Variants in SCD5 observed in about 807,000 individuals in gnomAD.
SCD5 encodes the protein stearoyl-CoA desaturase 5.
A neutral mutation model predicts 30.4 loss-of-function variants in SCD5; 20 were observed. That is an observed-to-expected ratio of 0.66 (90% CI 0.46 to 0.96). The LOEUF (loss-of-function observed/expected upper bound fraction) is 0.96, where lower values mean the gene tolerates loss of function less well. Among genes scored for constraint, SCD5 ranks in the 40% least tolerant of loss-of-function variants. The pLI is 0.00. For missense variants in SCD5, 381 were observed against 443.3 expected (o/e 0.86, Z 1.26); for synonymous variants, 173 against 176.4 (o/e 0.98, Z 0.16).
intron 1 of SCD5, among the ~76,000 whole-genome samples, chr4:82,736,332 G>A (rs1296486508): frequency 1.3e-5 from 2 of 151,856 alleles, no homozygotes; most frequent in Admixed American, 6.6e-5. Context: ...TTCTCAGCCA[G>A]GCGCAGTGGC....
At chr4:82,729,930 C>T (rs2148835089) in intron 1 of SCD5, among the ~76,000 whole-genome samples, 1 of 152,270 alleles carries the variant, frequency 6.6e-6, no homozygotes, top group South Asian at 2.1e-4. Context: ...TTTACCTTCC[C>T]ACAACTTGCT....
chr4:82,743,845 T>G (rs1180521286), intron 1 of SCD5, among the ~76,000 whole-genome samples: 3 of 152,068 alleles, frequency 2.0e-5, no homozygotes, highest in Non-Finnish European at 4.4e-5. Flanking sequence ...TTGTTGTCAC[T>G]GTTGAGACAA....
chr4:82,727,272 G>A (rs965590666), intron 1 of SCD5, among the ~76,000 whole-genome samples: 1 of 152,208 alleles, frequency 6.6e-6, no homozygotes, highest in Non-Finnish European at 1.5e-5. Flanking sequence ...ATTGTCTCTG[G>A]AAAAGGTCAC....
intron 2 of SCD5, among the ~76,000 whole-genome samples, chr4:82,681,248 G>C (rs983810796): frequency 6.6e-6 from 1 of 152,040 alleles, no homozygotes; most frequent in Non-Finnish European, 1.5e-5. Flanking sequence ...TTTATGTCAA[G>C]AAAAAAGAGA....
intron 1 of SCD5, among the ~76,000 whole-genome samples, chr4:82,745,511 T>C (rs1290666272): frequency 1.3e-5 from 2 of 152,234 alleles, no homozygotes. Context: ...TTGTTTGTTT[T>C]TTCCCGACTT....
intron 1 of SCD5, among the ~76,000 whole-genome samples, chr4:82,783,580 G>A (rs375520637): frequency 1.1e-4 from 16 of 152,144 alleles, no homozygotes; most frequent in East Asian, 9.7e-4. Context: ...CGAGGTGGGC[G>A]GATCACCTGA....
intron 1 of SCD5, among the ~76,000 whole-genome samples, chr4:82,795,259 G>C (rs1194412175): frequency 6.6e-6 from 1 of 152,172 alleles, no homozygotes; most frequent in African/African-American, 2.4e-5. Context: ...GCAAGCAATG[G>C]ACAGGCTAAG....
intron 3 of SCD5, among the ~76,000 whole-genome samples, chr4:82,664,999 C>CTCTCTCTCTCTCTATATATATA (rs1219554314): frequency 4.3e-5 from 3 of 70,492 alleles, no homozygotes; most frequent in African/African-American, 7.5e-5. Flanking sequence ...CTCTCTCTCT[C>CTCTCTCTCTCTCTATATATATA]TATATATATA....
intron 1 of SCD5, among the ~76,000 whole-genome samples, chr4:82,785,984 TAAAC>T (rs1333496585): frequency 6.6e-6 from 1 of 152,242 alleles, no homozygotes; most frequent in Non-Finnish European, 1.5e-5. Context: ...GGTGGGTTGA[TAAAC>T]TATTCCACGG....
intron 1 of SCD5, among the ~76,000 whole-genome samples, chr4:82,755,551 T>A (rs1721217019): frequency 6.6e-6 from 1 of 151,956 alleles, no homozygotes; most frequent in Non-Finnish European, 1.5e-5. Flanking sequence ...GGAGAGGGAA[T>A]GTTAAATTTG....
chr4:82,795,352 C>T (rs1285870029), intron 1 of SCD5, among the ~76,000 whole-genome samples: 1 of 152,164 alleles, frequency 6.6e-6, no homozygotes, highest in African/African-American at 2.4e-5. Flanking sequence ...TACACATAAC[C>T]AGTAGGGAGG....
At chr4:82,794,005 C>A (rs1271113243) in intron 1 of SCD5, among the ~76,000 whole-genome samples, 1 of 152,186 alleles carries the variant, frequency 6.6e-6, no homozygotes, top group Non-Finnish European at 1.5e-5. Flanking sequence ...CGATGCCCAA[C>A]GGAAGACAGC....
chr4:82,776,770 T>C (rs1344300526), intron 1 of SCD5, among the ~76,000 whole-genome samples: 1 of 152,224 alleles, frequency 6.6e-6, no homozygotes, highest in Non-Finnish European at 1.5e-5. Context: ...TTATTTTGTC[T>C]ATGTAACAAT....
At chr4:82,797,870 G>A (rs1231431196) in intron 1 of SCD5, among the ~76,000 whole-genome samples, 5 of 152,142 alleles carry the variant, frequency 3.3e-5, no homozygotes, top group Non-Finnish European at 5.9e-5. Flanking sequence ...GACCCGCGGA[G>A]GTGATGGGGG....
At chr4:82,738,988 C>A (rs193036577) in intron 1 of SCD5, among the ~76,000 whole-genome samples, 87 of 152,236 alleles carry the variant, frequency 5.7e-4, no homozygotes, top group African/African-American at 1.9e-3. Flanking sequence ...AGAGGATGGG[C>A]AAATGTTTTG....
At chr4:82,717,282 T>G (rs1720247828) in intron 1 of SCD5, among the ~76,000 whole-genome samples, 1 of 151,832 alleles carries the variant, frequency 6.6e-6, no homozygotes, top group Non-Finnish European at 1.5e-5. Context: ...AGACTTTTTT[T>G]TTGAACCGGG....
At position 82,798,733 on chromosome 4, in the gene SCD5, G is replaced by A; in HGVS notation, c.-196C>T. Reference sequence around the variant, plus strand: ...AGCGTGGCCTAGGGATGCAGATCTTGGCGGCCGGCGTCTGTTGCTGGCGTA... The same window carrying A: ...AGCGTGGCCTAGGGATGCAGATCTTAGCGGCCGGCGTCTGTTGCTGGCGTA... On this transcript the variant is annotated 5_prime_UTR_variant, in exon 1 of 5. The change creates a premature stop within an existing upstream ORF in the 5' untranslated region. Transcript: ENST00000319540. The A allele has an allele frequency of 1.8e-6, 1 of 558,650 alleles. No homozygotes were observed. Among genetic ancestry groups the A allele is most frequent in the Non-Finnish European group, 3.1e-6 (1 of 323,806 alleles). The allele number at this position is 558,650 out of a possible 1,614,324, so 34.6% of individuals were successfully genotyped here.
intron 1 of SCD5, among the ~76,000 whole-genome samples, chr4:82,718,650 GC>G (rs1720286700): frequency 6.6e-6 from 1 of 151,704 alleles, no homozygotes; most frequent in Admixed American, 6.6e-5. Context: ...ATTTAATAAT[GC>G]AATATTCTTT....
At chr4:82,754,587 T>C (rs1395774419) in intron 1 of SCD5, among the ~76,000 whole-genome samples, 2 of 150,882 alleles carry the variant, frequency 1.3e-5, no homozygotes, top group African/African-American at 4.9e-5. Context: ...AGTGCTGCTA[T>C]TTACAATTTC....
Sources: allele counts gnomAD v4.1 joint callset (sites outside exome capture counted in the v4.1 genomes callset), GRCh38; gene constraint gnomAD v4.1.1; transcripts MANE v1.5; gene names NCBI Gene and HGNC (gene_info 2026-07-23, HGNC 2026-07-21).